TCF4: variants seen among roughly 807,000 people sequenced by gnomAD.
TCF4 encodes the protein SL3-3 enhancer factor 2.
In TCF4, 3 loss-of-function variants were observed where a neutral mutation model predicts 82.1. The ratio of observed to expected loss-of-function variants is 0.04; its 90% CI spans 0.02 to 0.09. The LOEUF (loss-of-function observed/expected upper bound fraction) is 0.09. Among genes scored for constraint, TCF4 ranks in the 10% least tolerant of loss-of-function variants. The pLI, the probability that TCF4 is intolerant of heterozygous loss-of-function variation, is 1.00. For missense variants in TCF4, 518 were observed against 852.7 expected, an observed-to-expected ratio of 0.61 and a Z score of 4.89; for synonymous variants, 276 against 309.6, an observed-to-expected ratio of 0.89 and a Z score of 1.14.
chr18:55,561,646 C>T (rs2097356079), intron 3 of TCF4, among the ~76,000 whole-genome samples: 1 of 152,174 alleles, frequency 6.6e-6, no homozygotes, highest in African/African-American at 2.4e-5. Flanking sequence ...ACATACATGA[C>T]ATGTTTCTCA....
At chr18:55,249,822 G>A (rs750804941) in intron 15 of TCF4, among the ~76,000 whole-genome samples, 2 of 152,192 alleles carry the variant, frequency 1.3e-5, no homozygotes, top group Non-Finnish European at 2.9e-5. Context: ...GGAACACATA[G>A]AGTCACATAA....
intron 2 of TCF4, among the ~76,000 whole-genome samples, chr18:55,606,746 G>A (rs1024131897): frequency 2.6e-5 from 4 of 152,158 alleles, no homozygotes; most frequent in Non-Finnish European, 4.4e-5. Context: ...TATTTATTCA[G>A]TAATACTTGT....
At chr18:55,617,161 T>C (rs894998867) in intron 2 of TCF4, among the ~76,000 whole-genome samples, 1 of 152,164 alleles carries the variant, frequency 6.6e-6, no homozygotes, top group African/African-American at 2.4e-5. Flanking sequence ...TGTGTGGGTA[T>C]ATGCAGTTTT....
intron 15 of TCF4, among the ~76,000 whole-genome samples, chr18:55,241,830 C>T (rs970753281): frequency 6.6e-6 from 1 of 152,224 alleles, no homozygotes; most frequent in African/African-American, 2.4e-5. Flanking sequence ...GCAATATTCT[C>T]TCTCCATCAG....
intron 15 of TCF4, among the ~76,000 whole-genome samples, chr18:55,241,735 A>G (rs2051298411): frequency 6.6e-6 from 1 of 152,264 alleles, no homozygotes; most frequent in Non-Finnish European, 1.5e-5. Flanking sequence ...AATATATTTG[A>G]AAAGAGAGTA....
upstream of TCF4, chr18:55,589,562 TTGTTTATA>T (rs2097679574): frequency 9.6e-7 from 1 of 1,042,368 alleles, no homozygotes; most frequent in Non-Finnish European, 1.2e-6. Flanking sequence ...CTTTTTCTTA[TTGTTTATA>T]AAAAAAAAAA....
intron 2 of TCF4, among the ~76,000 whole-genome samples, chr18:55,600,976 A>G (rs1321662350): frequency 6.6e-6 from 1 of 152,198 alleles, no homozygotes; most frequent in East Asian, 1.9e-4. Context: ...GCCATTTTAT[A>G]TCAGGGACTT....
At chr18:55,373,193 T>A (rs978693173) in intron 6 of TCF4, among the ~76,000 whole-genome samples, 1 of 151,282 alleles carries the variant, frequency 6.6e-6, no homozygotes, top group African/African-American at 2.4e-5. Context: ...AAAATAAAAA[T>A]ATATAAAAAA....
intron 17 of TCF4, chr18:55,231,731 C>T (rs2047983101): frequency 6.6e-6 from 1 of 152,174 alleles, no homozygotes; most frequent in African/African-American, 2.4e-5. Flanking sequence ...ATAATTACAA[C>T]AGCAACATAA....
intron 3 of TCF4, among the ~76,000 whole-genome samples, chr18:55,565,917 G>A (rs1313725753): frequency 6.6e-6 from 1 of 151,890 alleles, no homozygotes; most frequent in Non-Finnish European, 1.5e-5. Context: ...TATAGACATG[G>A]ATGGCCAGAT....
chr18:55,520,685 A>G (rs2096925673), intron 3 of TCF4, among the ~76,000 whole-genome samples: 1 of 152,180 alleles, frequency 6.6e-6, no homozygotes, highest in Non-Finnish European at 1.5e-5. Flanking sequence ...TTTATTTATG[A>G]GCAAAGAACT....
chr18:55,423,528 C>A (rs2094860838), intron 5 of TCF4: 1 of 152,154 alleles, frequency 6.6e-6, no homozygotes, highest in Non-Finnish European at 1.5e-5. Flanking sequence ...CCTACTTGAC[C>A]ACTTTTTTGA....
chr18:55,466,298 C>G (rs1476250252), intron 3 of TCF4, among the ~76,000 whole-genome samples: 3 of 152,124 alleles, frequency 2.0e-5, no homozygotes, highest in Non-Finnish European at 2.9e-5. Context: ...GAGTTTGAGA[C>G]CAGCCTGGGA....
At chr18:55,587,214 TG>T (rs2097657366) in intron 1 of TCF4, 78 bp from the exon 2 acceptor site, 3 of 49,454 alleles carry the variant, frequency 6.1e-5, no homozygotes, top group Non-Finnish European at 1.1e-4. Flanking sequence ...TTTTGGAGAC[TG>T]GGGGGTTGGG....
intron 3 of TCF4, among the ~76,000 whole-genome samples, chr18:55,516,397 G>A (rs1472382850): frequency 6.6e-6 from 1 of 151,678 alleles, no homozygotes; most frequent in Non-Finnish European, 1.5e-5. Context: ...TTTTTTTAAA[G>A]GTTTATAAGC....
At chr18:55,510,293 G>C (rs2096812040) in intron 3 of TCF4, among the ~76,000 whole-genome samples, 1 of 152,104 alleles carries the variant, frequency 6.6e-6, no homozygotes, top group African/African-American at 2.4e-5. Flanking sequence ...TCCGTCTAAA[G>C]AGTCATGACA....
At chr18:55,327,893 A>G (rs1429469371) in intron 8 of TCF4, among the ~76,000 whole-genome samples, 4 of 152,156 alleles carry the variant, frequency 2.6e-5, no homozygotes, top group Non-Finnish European at 2.9e-5. Flanking sequence ...TATACAGTGA[A>G]ATCTGATCAG....
chr18:55,548,788 A>T (rs369708316), intron 3 of TCF4, among the ~76,000 whole-genome samples: 13 of 152,332 alleles, frequency 8.5e-5, no homozygotes, highest in South Asian at 6.2e-4. Context: ...GCATATCCAA[A>T]CATACAAAAA....
At chr18:55,249,670 A>C (rs943515940) in intron 15 of TCF4, among the ~76,000 whole-genome samples, 14 of 152,206 alleles carry the variant, frequency 9.2e-5, no homozygotes, top group African/African-American at 3.4e-4. Flanking sequence ...ACACTTGGTA[A>C]CCACGGATAA....
Sources: allele counts gnomAD v4.1 joint callset (sites outside exome capture counted in the v4.1 genomes callset), GRCh38; gene constraint gnomAD v4.1.1; transcripts MANE v1.5; gene names NCBI Gene and HGNC (gene_info 2026-07-23, HGNC 2026-07-21).